DRP2: variants seen among roughly 807,000 people sequenced by gnomAD.
DRP2 encodes the protein dystrophin-related protein 2.
A neutral mutation model predicts 78.2 loss-of-function variants in DRP2; 29 were observed. That is an observed-to-expected ratio of 0.37 (90% CI 0.28 to 0.51). The LOEUF (loss-of-function observed/expected upper bound fraction) is 0.51. Ranked by LOEUF, DRP2 falls within the 20% of genes least tolerant of loss-of-function variation. The pLI is 0.94. For synonymous variants in DRP2, 290 were observed against 281.9 expected (o/e 1.03, Z -0.29); for missense variants, 686 against 770.6 (o/e 0.89, Z 1.30).
At chrX:101,236,098 C>G in intron 4 of DRP2, 75 bp downstream of exon 4, 1 of 1,100,455 alleles carries the variant, frequency 9.1e-7, no homozygotes, top group Non-Finnish European at 1.2e-6. Context: ...TGTCCTTCTC[C>G]TCTCAGCCTG....
chrX:101,258,602 TG>T, intron 22 of DRP2, 56 bp downstream of exon 22: 1 of 1,049,773 alleles, frequency 9.5e-7, no homozygotes, highest in Non-Finnish European at 1.3e-6. Context: ...GGGGAAGGGC[TG>T]GGGAGCTGAG....
chrX:101,225,706 G>A (rs1454014802), intron 2 of DRP2, among the ~76,000 whole-genome samples: 2 of 111,218 alleles, frequency 1.8e-5, no homozygotes, highest in African/African-American at 6.5e-5. Context: ...GAGAGGGGGC[G>A]AAGAATTAGC....
At chrX:101,231,097 G>A (rs1922294019) in intron 2 of DRP2, among the ~76,000 whole-genome samples, 1 of 111,967 alleles carries the variant, frequency 8.9e-6, no homozygotes. Context: ...TGCACAGGTG[G>A]ATCTGTCTGC....
rs999906980 is a variant in DRP2 at position 101,242,209 on chromosome X, C to G, written c.829-116C>G. 19 of 1,067,315 alleles carry G rather than the reference C, an allele frequency of 1.8e-5. No homozygotes were observed. The Middle Eastern group carries it at 8.3e-4, about 47-fold the overall frequency. The allele number at this position is 1,067,315 out of a possible 1,213,427, so 88.0% of individuals were successfully genotyped here. On this transcript the variant is annotated intron_variant, in intron 7 of 23. Coordinates refer to ENST00000395209, the MANE Select transcript of DRP2 (RefSeq NM_001939.3). Reference sequence around the variant, plus strand: ...GTCTGGTTGCCCTAATAGGCAAGCACTAGGCTGTGTTATTGAAACAAAACC... The same window carrying G: ...GTCTGGTTGCCCTAATAGGCAAGCAGTAGGCTGTGTTATTGAAACAAAACC...
chrX:101,222,804 CCTT>C (rs776002776), intron 1 of DRP2, among the ~76,000 whole-genome samples: 8 of 111,357 alleles, frequency 7.2e-5, no homozygotes, highest in Non-Finnish European at 1.1e-4. Context: ...AGAGTTGAAA[CCTT>C]CTGTCTATTC....
At chrX:101,232,720 T>C (rs1922351044) in intron 3 of DRP2, among the ~76,000 whole-genome samples, 1 of 112,127 alleles carries the variant, frequency 8.9e-6, no homozygotes, top group Non-Finnish European at 1.9e-5. Context: ...CTCGAACATA[T>C]TCTCAAAGCG....
intron 17 of DRP2, among the ~76,000 whole-genome samples, chrX:101,253,187 A>G (rs1156875671): frequency 9.0e-6 from 1 of 111,064 alleles, no homozygotes; most frequent in Non-Finnish European, 1.9e-5. Flanking sequence ...CTTATGCTCA[A>G]ATTAATTATT....
Position 101,260,086 on chromosome X carries a change from C to T in DRP2, c.2666C>T (p.Ser889Leu), listed in dbSNP as rs34562102. ...TESDGSGSAG[S>L]SLASSPQQSE... ...TCAGATGGCAGTGGCTCTGCAGGCT[C>T]GTCCCTAGCTTCCTCTCCACAGCAG... Residue 889 changes from serine to leucine, a missense_variant, in exon 23 of 24, where the codon TCG becomes TTG. Physicochemically the swap from Ser to Leu is moderately radical, Grantham distance 145. Coordinates refer to ENST00000395209, the MANE Select transcript of DRP2 (RefSeq NM_001939.3). The T allele has an allele frequency of 1.9e-4, 233 of 1,209,539 alleles. 1 individual carries two copies. Among genetic ancestry groups the T allele is most frequent in the Admixed American group, 2.8e-4 (13 of 45,774 alleles).
At chrX:101,247,346 G>T (rs776909626) in intron 12 of DRP2, among the ~76,000 whole-genome samples, 182 bp downstream of exon 12, 16 of 111,260 alleles carry the variant, frequency 1.4e-4, no homozygotes, top group African/African-American at 5.2e-4. Context: ...TTCCACTCTC[G>T]CTAGGCCCCA....
Position 101,238,981 on chromosome X carries a change from G to C in DRP2, c.439G>C (p.Ala147Pro). The change falls in exon 6 of 24, where the codon GCC becomes CCC. Residue 147 changes from alanine (A) to proline (P), a missense_variant and splice_region_variant. Ala to Pro is a conservative substitution (Grantham distance 27). Coordinates refer to ENST00000395209, the MANE Select transcript of DRP2 (RefSeq NM_001939.3). Reference sequence around the variant, plus strand: ...TTGACCATATTGCTAAACTTTATAGGCCTTTATGGAAGAAGTCAAGTCTCG... The same window carrying C: ...TTGACCATATTGCTAAACTTTATAGCCCTTTATGGAAGAAGTCAAGTCTCG... ...LVQQEKETHA[A>P]FMEEVKSRGP... The C allele has an allele frequency of 8.3e-7, 1 of 1,209,287 alleles. No individual in the cohort carries two copies. Among genetic ancestry groups the C allele is most frequent in the Non-Finnish European group, 1.1e-6 (1 of 894,373 alleles).
intron 4 of DRP2, 36 bp downstream of exon 4, chrX:101,236,059 G>A (rs770864769): frequency 2.5e-6 from 3 of 1,198,530 alleles, no homozygotes; most frequent in Non-Finnish European, 3.4e-6. Context: ...TGGCTTAGAT[G>A]GTGTTGGGCT....
At chrX:101,258,762 C>T (rs1338749134) in intron 22 of DRP2, among the ~76,000 whole-genome samples, 2 of 111,434 alleles carry the variant, frequency 1.8e-5, no homozygotes, top group African/African-American at 6.5e-5. Context: ...TTCCACCTAC[C>T]TTCCATGCCA....
intron 2 of DRP2, among the ~76,000 whole-genome samples, chrX:101,227,845 G>A (rs1250288998): frequency 8.9e-6 from 1 of 111,770 alleles, no homozygotes; most frequent in Non-Finnish European, 1.9e-5. Context: ...TTTGTTTTGT[G>A]AAGCCTTAAC....
In DRP2 at chrX:101,237,775, G is replaced by T; in HGVS notation, c.438G>T (p.Ala146=). ...ALVQQEKETH[A]AFMEEVKSRG... ...TGCAACAGGAGAAGGAGACACATGC[G>T]GTAGGTTAGAATCAGAGAAGCCGTG... The change falls in exon 5 of 24, where the codon GCG becomes GCT. Residue 146 remains alanine, a splice_region_variant and synonymous_variant. Transcript: ENST00000395209. 1 of 1,139,362 alleles carries T rather than the reference G, an allele frequency of 8.8e-7. No homozygotes were observed. The highest frequency in any genetic ancestry group is 1.2e-6 in the Non-Finnish European group (1 of 852,974). The allele number at this position is 1,139,362 out of a possible 1,213,427, so 93.9% of individuals were successfully genotyped here.
chrX:101,242,403 G>T lies in DRP2; in HGVS notation c.907G>T (p.Asp303Tyr). 8.3e-7 allele frequency: 1 copy of T among 1,211,788 alleles called. No individual in the cohort carries two copies. Among genetic ancestry groups the T allele is most frequent in the Non-Finnish European group, 1.1e-6 (1 of 895,520 alleles). Residue 303 changes from aspartate (D) to tyrosine (Y), a missense_variant, in exon 8 of 24, where the codon GAT (aspartate) becomes TAT (tyrosine). Asp to Tyr is a radical substitution (Grantham distance 160). Transcript: ENST00000395209. ...NDLAHQLAIS[D>Y]VHLSMENSQA... Reference sequence around the variant, plus strand: ...TCTGGCCCACCAACTTGCCATTTCTGATGTGCACTTGTCAATGGAGAATTC... The same window carrying T: ...TCTGGCCCACCAACTTGCCATTTCTTATGTGCACTTGTCAATGGAGAATTC...
intron 8 of DRP2, 21 bp from the exon 9 acceptor site, chrX:101,242,883 C>T: frequency 8.3e-7 from 1 of 1,201,428 alleles, no homozygotes; most frequent in Non-Finnish European, 1.1e-6. Flanking sequence ...ATCTACTGAC[C>T]TCACCCTGTT....
At chrX:101,242,765 G>A in intron 8 of DRP2, 139 bp from the exon 9 acceptor site, 1 of 624,412 alleles carries the variant, frequency 1.6e-6, no homozygotes, top group Non-Finnish European at 2.5e-6. Flanking sequence ...ATGGCTAGGA[G>A]TTGGGTGACG....
intron 23 of DRP2, 86 bp from the exon 24 acceptor site, chrX:101,260,411 C>T (rs1253416993): frequency 8.9e-7 from 1 of 1,128,264 alleles, no homozygotes; most frequent in Non-Finnish European, 1.2e-6. Flanking sequence ...GCAGGTCTGC[C>T]CTTCAGCTGG....
intron 7 of DRP2, 106 bp downstream of exon 7, chrX:101,242,042 C>T (rs1001417092): frequency 2.1e-6 from 2 of 968,797 alleles, no homozygotes; most frequent in East Asian, 3.4e-5. Context: ...GCCTGGACTA[C>T]AACTGAGTTG....
Sources: allele counts gnomAD v4.1 joint callset (sites outside exome capture counted in the v4.1 genomes callset), GRCh38; gene constraint gnomAD v4.1.1; transcripts MANE v1.5; gene names NCBI Gene and HGNC (gene_info 2026-07-23, HGNC 2026-07-21).